Variants in C2CD2 observed in about 807,000 individuals in gnomAD.
The protein encoded by C2CD2 is C2 calcium dependent domain containing 2.
Under a neutral mutation model 74.3 loss-of-function variants are expected in C2CD2, and 43 were observed. The observed-to-expected ratio is 0.58, with a 90% CI of 0.45 to 0.75. The LOEUF is 0.75. Ranked by LOEUF, C2CD2 falls within the 30% of genes least tolerant of loss-of-function variation. The pLI is 0.00. For synonymous variants in C2CD2, 422 were observed against 390.7 expected (o/e 1.08, Z -0.94); for missense variants, 801 against 916.3 (o/e 0.87, Z 1.63).
intron 1 of C2CD2, among the ~76,000 whole-genome samples, chr21:41,951,225 C>T (rs1369170754): frequency 6.6e-6 from 1 of 152,150 alleles, no homozygotes; most frequent in African/African-American, 2.4e-5. Context: ...ACGGCAGCGA[C>T]GGCTCAGGAT....
intron 1 of C2CD2, among the ~76,000 whole-genome samples, chr21:41,952,626 A>G (rs2065459170): frequency 6.6e-6 from 1 of 152,258 alleles, no homozygotes. Context: ...GTAATCAGCG[A>G]CTACAGAAAC....
intron 11 of C2CD2, 58 bp downstream of exon 11, chr21:41,905,666 C>G (rs1490258113): frequency 3.4e-6 from 3 of 884,318 alleles, no homozygotes; most frequent in Non-Finnish European, 5.5e-6. Flanking sequence ...CATATCAGAA[C>G]AGCCCAAAAG....
In C2CD2 at chr21:41,887,130, C is replaced by T. The variant is rs1452201798; in HGVS notation, c.*1994G>A. 2 of 152,192 alleles carry T rather than the reference C, an allele frequency of 1.3e-5. No individual in the cohort carries two copies. Among genetic ancestry groups the T allele is most frequent in the East Asian group, 1.9e-4 (1 of 5,202 alleles). 9.4% of individuals were successfully genotyped at this position (152,192 alleles called of 1,614,324 possible). A position where few individuals can be genotyped will look rare whatever the true frequency, so the allele number is the denominator to read the frequency against. Reference sequence around the variant, plus strand: ...ATCCTCTTGGAATTCTTAAATATGTCTCAGCCTCTTTTTACCACATGGCAA... The same window carrying T: ...ATCCTCTTGGAATTCTTAAATATGTTTCAGCCTCTTTTTACCACATGGCAA... On this transcript the variant is annotated 3_prime_UTR_variant, in exon 14 of 14. Coordinates refer to ENST00000380486, the MANE Select transcript of C2CD2 (RefSeq NM_015500.2).
chr21:41,944,538 A>AAAAAAAAAG (rs1555906450), intron 1 of C2CD2, among the ~76,000 whole-genome samples: 9 of 130,672 alleles, frequency 6.9e-5, no homozygotes, highest in African/African-American at 2.3e-4. Flanking sequence ...AAAAAAAAAA[A>AAAAAAAAAG]AAAAGAAAAG....
At chr21:41,927,406 C>G (rs2065222974) in intron 2 of C2CD2, among the ~76,000 whole-genome samples, 1 of 152,070 alleles carries the variant, frequency 6.6e-6, no homozygotes, top group Non-Finnish European at 1.5e-5. Flanking sequence ...CCTGAGCCTG[C>G]CTCAGGCTCT....
Position 41,912,333 on chromosome 21 carries a change from A to G in C2CD2, c.952T>C (p.Phe318Leu). Residue 318 changes from phenylalanine (F) to leucine (L), a missense_variant and splice_region_variant, in exon 7 of 14, where the codon TTC becomes CTC. Phe to Leu is a conservative substitution (Grantham distance 22). Transcript: ENST00000380486. ...PDLMWEEEFTFELNAKSKELH... is the reference protein window; with the variant it reads ...PDLMWEEEFTLELNAKSKELH... Reference sequence around the variant, plus strand: ...GGCCCATAACCCGGCCAGACTCACAAGGTGAATTCCTCTTCCCACATGAGG... The same window carrying G: ...GGCCCATAACCCGGCCAGACTCACAGGGTGAATTCCTCTTCCCACATGAGG... 1.2e-6 allele frequency: 2 copies of G among 1,603,106 alleles called. No homozygotes were observed. The highest frequency in any genetic ancestry group is 1.7e-6 in the Non-Finnish European group (2 of 1,172,078).
chr21:41,934,465 T>C (rs1480012203), intron 2 of C2CD2, among the ~76,000 whole-genome samples: 3 of 152,200 alleles, frequency 2.0e-5, no homozygotes, highest in Non-Finnish European at 2.9e-5. Flanking sequence ...AAGGCTGCTT[T>C]TCTGACACTA....
rs2064714210 is a variant in C2CD2, at chr21:41,888,962, G to A, written c.*162C>T. 6.3e-6 allele frequency: 4 copies of A among 634,638 alleles called. No individual in the cohort carries two copies. Among genetic ancestry groups the A allele is most frequent in the Admixed American group, 2.7e-5 (1 of 36,564 alleles). The allele number at this position is 634,638 out of a possible 1,614,324, so 39.3% of individuals were successfully genotyped here. A position where few individuals can be genotyped will look rare whatever the true frequency, so the allele number is the denominator to read the frequency against. On this transcript the variant is annotated 3_prime_UTR_variant, in exon 14 of 14. Coordinates refer to ENST00000380486, the MANE Select transcript of C2CD2 (RefSeq NM_015500.2). ...CTCTCTGGGAGAAGCCTCCTGGCTG[G>A]AGACTCAGATTTTGTTTTCCCTTTA...
intron 3 of C2CD2, 65 bp downstream of exon 3, chr21:41,921,907 C>A (rs2065157835): frequency 5.2e-6 from 5 of 966,494 alleles, no homozygotes; most frequent in Admixed American, 3.5e-5. Context: ...TCACACCATG[C>A]TCACTCTTCA....
At chr21:41,891,894 T>C (rs750673972) in intron 13 of C2CD2, among the ~76,000 whole-genome samples, 2 of 152,084 alleles carry the variant, frequency 1.3e-5, no homozygotes, top group Non-Finnish European at 2.9e-5. Flanking sequence ...GTCCATTTCA[T>C]AGGCGTCCCT....
rs1403128263 is a variant in C2CD2 at position 41,926,335 on chromosome 21, T to C, written c.379-4250A>G. 4.4e-5 allele frequency: 18 copies of C among 406,258 alleles called. No homozygotes were observed. The highest frequency in any genetic ancestry group is 5.7e-5 in the Non-Finnish European group (17 of 300,482). The allele number at this position is 406,258 out of a possible 1,614,324, so 25.2% of individuals were successfully genotyped here. ...CCTCTCTGTATAAGTGACAGAGTGT[T>C]TTTCGGAGTGGGGGGCTATTCACGG... On this transcript the variant is annotated intron_variant, in intron 2 of 13. Coordinates refer to ENST00000380486, the MANE Select transcript of C2CD2 (RefSeq NM_015500.2). The surrounding 1 kb of genome is among the most constrained non-coding windows in gnomAD (Gnocchi z 8.0).
intron 3 of C2CD2, among the ~76,000 whole-genome samples, chr21:41,920,646 C>T (rs527536900): frequency 5.3e-5 from 8 of 152,350 alleles, no homozygotes; most frequent in African/African-American, 1.7e-4. Flanking sequence ...AGCGGGAACG[C>T]CTCCTGCCGC....
Position 41,901,607 on chromosome 21 carries a change from C to T in C2CD2, c.1560+15G>A, listed in dbSNP as rs765360154. 6.2e-7 allele frequency: 1 copy of T among 1,613,994 alleles called. No homozygotes were observed. The highest frequency in any genetic ancestry group is 1.7e-5 in the Admixed American group (1 of 60,034). On this transcript the variant is annotated intron_variant, in intron 12 of 13. Coordinates refer to ENST00000380486, the MANE Select transcript of C2CD2 (RefSeq NM_015500.2). ...GATGACCAGATGAACACCTCCCCAG[C>T]CACCACGATGGTACCTTGGAGATCC...
intron 13 of C2CD2, among the ~76,000 whole-genome samples, chr21:41,890,869 T>A (rs974953184): frequency 6.6e-6 from 1 of 152,210 alleles, no homozygotes; most frequent in African/African-American, 2.4e-5. Flanking sequence ...GAAAGAAGCA[T>A]GTGCCCCTGA....
At chr21:41,911,864 A>C (rs1049514977) in intron 7 of C2CD2, among the ~76,000 whole-genome samples, 4 of 152,088 alleles carry the variant, frequency 2.6e-5, no homozygotes, top group African/African-American at 9.7e-5. Context: ...ATGCCCGGTT[A>C]AATTTTTTAA....
At chr21:41,932,494 A>T (rs540382805) in intron 2 of C2CD2, among the ~76,000 whole-genome samples, 10 of 150,732 alleles carry the variant, frequency 6.6e-5, no homozygotes, top group African/African-American at 2.4e-4. Flanking sequence ...CTGGTGTCTG[A>T]AGTGGGGGCC....
In C2CD2 at chr21:41,905,871, C is replaced by G. The variant is rs563448885; in HGVS notation, c.1319-34G>C. ...GGAAGATCCTGATTACAAAAGCGGC[C>G]CCGTGGCTGACTGGATCAACAGTTA... On this transcript the variant is annotated intron_variant, in intron 10 of 13. Transcript: ENST00000380486. 1.6e-4 allele frequency: 190 copies of G among 1,184,856 alleles called. 1 individual carries two copies. In the South Asian group the frequency reaches 1.7e-3, roughly 10 times the overall value. 73.4% of individuals were successfully genotyped at this position (1,184,856 alleles called of 1,614,324 possible).
At chr21:41,944,158 C>T (rs2065378317) in intron 1 of C2CD2, among the ~76,000 whole-genome samples, 1 of 152,210 alleles carries the variant, frequency 6.6e-6, no homozygotes, top group South Asian at 2.1e-4. Context: ...CTCATGCTCC[C>T]CTGAGGCGGC....
intron 4 of C2CD2, among the ~76,000 whole-genome samples, chr21:41,918,466 G>A (rs1050531154): frequency 5.9e-5 from 9 of 152,226 alleles, no homozygotes; most frequent in African/African-American, 2.2e-4. Flanking sequence ...GGGCCTGATC[G>A]TCAGACATGG....
Sources: gnomAD v4.1 joint callset for allele counts (sites outside exome capture counted in the v4.1 genomes callset) on GRCh38, gnomAD v4.1.1 for gene constraint, Gnocchi (gnomAD v3.1) non-coding constraint, MANE v1.5 for transcripts, NCBI Gene and HGNC (gene_info 2026-07-23, HGNC 2026-07-21) for gene names.